BCAS3: variants seen among roughly 807,000 people sequenced by gnomAD.
BCAS3 encodes BCAS3 microtubule associated cell migration factor, also known as BCAS4/BCAS3 fusion.
A neutral mutation model predicts 116.1 loss-of-function variants in BCAS3; 53 were observed. The ratio of observed to expected loss-of-function variants is 0.46; its 90% confidence interval spans 0.37 to 0.57. The LOEUF (loss-of-function observed/expected upper bound fraction) is 0.57. BCAS3 is among the 20% of genes least tolerant of loss of function. The probability of loss-of-function intolerance (pLI) is 0.00; values close to 1 mark genes in which losing one functional copy is unlikely to be tolerated. For synonymous variants in BCAS3, 391 were observed against 408.2 expected, an observed-to-expected ratio of 0.96 and a Z score of 0.51; for missense variants, 917 against 1,165.4, an observed-to-expected ratio of 0.79 and a Z score of 3.10.
At position 61,214,585 on chromosome 17, in the gene BCAS3, G is replaced by A. The variant is rs1333416851; in HGVS notation, c.2425+130021G>A. 5.9e-5 allele frequency among the ~76,000 whole-genome samples: 9 copies of A among 151,590 alleles called. No homozygotes were observed. The highest frequency in any genetic ancestry group is 2.1e-4 in the South Asian group (1 of 4,808). On this transcript the variant is annotated intron_variant, in intron 22 of 23. Transcript: ENST00000407086. The surrounding 1 kb of genome is among the most constrained non-coding windows in gnomAD (Gnocchi z 4.4). Reference sequence around the variant, plus strand: ...GGGCGCCTGTAGTCCCAGCTACTCCGGAGGCTGAGGCAGAAGAACAGCATG... The same window carrying A: ...GGGCGCCTGTAGTCCCAGCTACTCCAGAGGCTGAGGCAGAAGAACAGCATG...
At chr17:61,109,085 CTGAGGCA>C (rs1314099455) in intron 22 of BCAS3, among the ~76,000 whole-genome samples, 1 of 151,298 alleles carries the variant, frequency 6.6e-6, no homozygotes, top group African/African-American at 2.4e-5. Flanking sequence ...ACTCAGGAGG[CTGAGGCA>C]TGAGAATCAC....
chr17:60,770,843 T>TG (rs2044617567), intron 6 of BCAS3, among the ~76,000 whole-genome samples: 1 of 71,226 alleles, frequency 1.4e-5, no homozygotes, highest in Non-Finnish European at 2.3e-5. Context: ...TGTTTTTTTT[T>TG]TTTTTTTTTT....
intron 22 of BCAS3, among the ~76,000 whole-genome samples, chr17:61,160,002 T>C (rs1601641404): frequency 1.6e-5 from 1 of 64,036 alleles, no homozygotes; most frequent in Middle Eastern, 8.8e-3. Flanking sequence ...TGATTTTTTT[T>C]TTTTTGTAGT....
At chr17:60,753,652 G>A (rs1472354752) in intron 6 of BCAS3, among the ~76,000 whole-genome samples, 2 of 151,978 alleles carry the variant, frequency 1.3e-5, no homozygotes, top group African/African-American at 4.8e-5. Flanking sequence ...CTCGTGATCT[G>A]CCTGCCTCGG....
At chr17:60,891,853 A>G in intron 10 of BCAS3, 1 of 390,202 alleles carries the variant, frequency 2.6e-6, no homozygotes, top group African/African-American at 2.1e-5. Flanking sequence ...TTTCATCATC[A>G]TGTGTACCCA....
At chr17:61,210,223 G>A (rs571163565) in intron 22 of BCAS3, among the ~76,000 whole-genome samples, 1 of 152,192 alleles carries the variant, frequency 6.6e-6, no homozygotes, top group African/African-American at 2.4e-5. Flanking sequence ...GACCTGATAT[G>A]TGCTCACATC....
intron 7 of BCAS3, among the ~76,000 whole-genome samples, chr17:60,814,303 G>GCGCGCGCGCA (rs1555731386): frequency 7.4e-6 from 1 of 135,752 alleles, no homozygotes. Context: ...GTGTGTGTGT[G>GCGCGCGCGCA]TGTGCGCGCG....
intron 22 of BCAS3, among the ~76,000 whole-genome samples, chr17:61,110,063 T>G (rs1301265311): frequency 6.6e-6 from 1 of 152,226 alleles, no homozygotes. Context: ...TCTAGAATCT[T>G]TATGGTTTCA....
Position 61,088,974 on chromosome 17 carries a change from A to T in BCAS3, c.2425+4410A>T, listed in dbSNP as rs2073307749. On this transcript the variant is annotated intron_variant, in intron 22 of 23. Coordinates refer to ENST00000407086, the MANE Select transcript of BCAS3 (RefSeq NM_017679.5). This position sits in a 1 kb window ranked among gnomAD's most constrained non-coding sequence, Gnocchi z 4.2. ...GGTAGTGTGAGAAGGACAATGTGAC[A>T]GATAAGAAAAATGACTTCTTATCCT... 6.6e-6 allele frequency among the ~76,000 whole-genome samples: 1 copy of T among 152,120 alleles called. No individual in the cohort carries two copies. Among genetic ancestry groups the T allele is most frequent in the Non-Finnish European group, 1.5e-5 (1 of 67,960 alleles).
chr17:61,156,340 T>A lies in BCAS3; in HGVS notation c.2425+71776T>A, dbSNP rs1448043780. Reference sequence around the variant, plus strand: ...TCTCAGGCACCTTCTCTTTCCCTCTTCATTTTCTGAGTTCGGGAGAAAGGT... The same window carrying A: ...TCTCAGGCACCTTCTCTTTCCCTCTACATTTTCTGAGTTCGGGAGAAAGGT... On this transcript the variant is annotated intron_variant, in intron 22 of 23. Transcript: ENST00000407086. The surrounding 1 kb of genome is among the most constrained non-coding windows in gnomAD (Gnocchi z 4.7). 6.6e-6 allele frequency among the ~76,000 whole-genome samples: 1 copy of A among 152,212 alleles called. No homozygotes were observed. Among genetic ancestry groups the A allele is most frequent in the Admixed American group, 6.5e-5 (1 of 15,286 alleles).
At position 61,265,015 on chromosome 17, in the gene BCAS3, A is replaced by G. The variant is rs1332831468; in HGVS notation, c.2426-103312A>G. 6.6e-6 allele frequency among the ~76,000 whole-genome samples: 1 copy of G among 152,214 alleles called. No individual in the cohort carries two copies. Among genetic ancestry groups the G allele is most frequent in the Non-Finnish European group, 1.5e-5 (1 of 68,040 alleles). Reference sequence around the variant, plus strand: ...TTGGAGGCAGACAGCCCTGTATTCAATTCCACTGTTTATTTTTATTAGCTG... The same window carrying G: ...TTGGAGGCAGACAGCCCTGTATTCAGTTCCACTGTTTATTTTTATTAGCTG... On this transcript the variant is annotated intron_variant, in intron 22 of 23. Coordinates refer to ENST00000407086, the MANE Select transcript of BCAS3 (RefSeq NM_017679.5). The surrounding 1 kb of genome is among the most constrained non-coding windows in gnomAD (Gnocchi z 4.3).
chr17:60,840,398 C>G (rs953119258), intron 7 of BCAS3, among the ~76,000 whole-genome samples: 5 of 152,136 alleles, frequency 3.3e-5, no homozygotes, highest in African/African-American at 4.8e-5. Flanking sequence ...CAACATCAAA[C>G]TTAGTCTTTG....
intron 7 of BCAS3, among the ~76,000 whole-genome samples, chr17:60,861,382 A>G (rs2054144505): frequency 6.6e-6 from 1 of 152,204 alleles, no homozygotes. Context: ...CAAATCCAAG[A>G]GCCTTTGGAC....
chr17:61,388,561 T>G lies in BCAS3; in HGVS notation c.2594-3416T>G. The G allele has an allele frequency of 6.7e-7, 1 of 1,489,972 alleles. No homozygotes were observed. Among genetic ancestry groups the G allele is most frequent in the South Asian group, 1.2e-5 (1 of 81,666 alleles). The allele number at this position is 1,489,972 out of a possible 1,614,324, so 92.3% of individuals were successfully genotyped here. ...CTGCTTGCAGAGATCAGTGTACTTCTCAATCGTTGTCCATATCTTTTCCAA... is the reference window on the plus strand; with the variant it reads ...CTGCTTGCAGAGATCAGTGTACTTCGCAATCGTTGTCCATATCTTTTCCAA... On this transcript the variant is annotated intron_variant, in intron 23 of 23. Transcript: ENST00000407086. This position sits in a 1 kb window ranked among gnomAD's most constrained non-coding sequence, Gnocchi z 6.5.
At chr17:60,692,767 G>C (rs1206651014) in intron 4 of BCAS3, among the ~76,000 whole-genome samples, 1 of 75,134 alleles carries the variant, frequency 1.3e-5, no homozygotes, top group African/African-American at 3.2e-5. Context: ...GTGGTGGCAT[G>C]TACCTGTAAT....
chr17:61,075,945 G>A (rs1201940400), intron 20 of BCAS3, among the ~76,000 whole-genome samples: 1 of 151,824 alleles, frequency 6.6e-6, no homozygotes, highest in African/African-American at 2.4e-5. Flanking sequence ...TTAATGTAGA[G>A]ACAGGATCTC....
At chr17:61,127,183 C>T (rs564644909) in intron 22 of BCAS3, among the ~76,000 whole-genome samples, 3 of 152,108 alleles carry the variant, frequency 2.0e-5, no homozygotes, top group African/African-American at 7.2e-5. Flanking sequence ...TCTCTATTTT[C>T]TTTCTTGTAC....
chr17:61,014,822 G>T (rs1032240554), intron 15 of BCAS3, among the ~76,000 whole-genome samples: 2 of 152,104 alleles, frequency 1.3e-5, no homozygotes, highest in Non-Finnish European at 2.9e-5. Context: ...AAAGTTACCT[G>T]TATTTCTATA....
chr17:60,946,281 A>G (rs2060490541), intron 13 of BCAS3, among the ~76,000 whole-genome samples: 1 of 152,202 alleles, frequency 6.6e-6, no homozygotes, highest in Non-Finnish European at 1.5e-5. Flanking sequence ...TCCTCACCTT[A>G]TAACCTGTTG....
Sources: allele counts gnomAD v4.1 joint callset (sites outside exome capture counted in the v4.1 genomes callset), GRCh38; gene constraint gnomAD v4.1.1; non-coding constraint Gnocchi (gnomAD v3.1); transcripts MANE v1.5; gene names NCBI Gene and HGNC (gene_info 2026-07-23, HGNC 2026-07-21).